Variants in GSK3A observed in about 807,000 individuals in gnomAD.
The protein encoded by GSK3A is glycogen synthase kinase-3 alpha.
Under a neutral mutation model 56.6 loss-of-function variants are expected in GSK3A, and 14 were observed. The ratio of observed to expected loss-of-function variants is 0.25; its 90% confidence interval spans 0.16 to 0.39. The LOEUF is 0.39. Ranked by LOEUF, GSK3A falls within the 10% of genes least tolerant of loss-of-function variation. The pLI, the probability that GSK3A is intolerant of heterozygous loss-of-function variation, is 1.00. For missense variants in GSK3A, 450 were observed against 656.0 expected (o/e 0.69, Z 3.43); for synonymous variants, 301 against 285.0 (o/e 1.06, Z -0.56).
At chr19:42,238,725 C>T (rs751208454) in intron 2 of GSK3A, among the ~76,000 whole-genome samples, 3 of 149,678 alleles carry the variant, frequency 2.0e-5, no homozygotes, top group Admixed American at 1.3e-4. Context: ...TTTGGGAGGT[C>T]GAGGTGGGGG....
Position 42,240,086 on chromosome 19 carries a change from A to G in GSK3A, c.340T>C (p.Ser114Pro), listed in dbSNP as rs773402220. ...VATLGQGPER[S>P]QEVAYTDIKV... ...ATGTCCGTGTAAGCCACTTCTTGGG[A>G]GCGCTCTGGGCCTTGGCCTAGAGTG... is the stretch of plus-strand genomic sequence containing the variant. The change falls in exon 2 of 11, where the codon TCC (serine) becomes CCC (proline). Residue 114 changes from serine to proline, a missense_variant. Transcript: ENST00000222330. The G allele has an allele frequency of 9.3e-6, 15 of 1,614,034 alleles. No individual in the cohort carries two copies. Among genetic ancestry groups the G allele is most frequent in the Non-Finnish European group, 1.1e-5 (13 of 1,180,018 alleles).
chr19:42,237,672 T>C (rs552715795), intron 2 of GSK3A, among the ~76,000 whole-genome samples: 10 of 148,104 alleles, frequency 6.8e-5, no homozygotes, highest in Admixed American at 2.7e-4. Context: ...AGTCAGGAGA[T>C]TGAGACCATC....
At position 42,232,407 on chromosome 19, in the gene GSK3A, C is replaced by A. The variant is rs550747184; in HGVS notation, c.1285+89G>T. 30 of 1,252,486 alleles carry A rather than the reference C, an allele frequency of 2.4e-5. No homozygotes were observed. In the African/African-American group the frequency reaches 3.8e-4, roughly 16 times the overall value. The allele number at this position is 1,252,486 out of a possible 1,614,324, so 77.6% of individuals were successfully genotyped here. The stretch of plus-strand genomic sequence containing the variant: ...CTGCCTTGTACCCTGCCCTTAGCTC[C>A]CCACTCCTGCTTCAACACCAAGCTC... On this transcript the variant is annotated intron_variant, in intron 9 of 10. Transcript: ENST00000222330.
intron 2 of GSK3A, among the ~76,000 whole-genome samples, chr19:42,238,876 C>T (rs981798707): frequency 2.0e-5 from 3 of 150,996 alleles, no homozygotes; most frequent in African/African-American, 7.3e-5. Flanking sequence ...GGTTGAGGCA[C>T]AAGAATCGCT....
chr19:42,239,511 G>T (rs898759071), intron 2 of GSK3A, among the ~76,000 whole-genome samples: 4 of 152,084 alleles, frequency 2.6e-5, no homozygotes, highest in Non-Finnish European at 5.9e-5. Flanking sequence ...AACCACCCGC[G>T]CTAGCCCTGC....
At position 42,230,477 on chromosome 19, in the gene GSK3A, A is replaced by C; in HGVS notation, c.*317T>G. 1 of 366,288 alleles carries C rather than the reference A, an allele frequency of 2.7e-6. No individual in the cohort carries two copies. 22.7% of individuals were successfully genotyped at this position (366,288 alleles called of 1,614,324 possible). A position where few individuals can be genotyped will look rare whatever the true frequency, so the allele number is the denominator to read the frequency against. On this transcript the variant is annotated 3_prime_UTR_variant, in exon 11 of 11. Coordinates refer to ENST00000222330, the MANE Select transcript of GSK3A (RefSeq NM_019884.3). ...ACGGGCTGGGCTGGTTCTATTTACAAGGGACACAGGAGGGGAGGGGGTCTG... is the reference window on the plus strand; with the variant it reads ...ACGGGCTGGGCTGGTTCTATTTACACGGGACACAGGAGGGGAGGGGGTCTG...
Position 42,242,428 on chromosome 19 carries a change from C to T in GSK3A, c.38G>A (p.Gly13Asp). Residue 13 changes from glycine to aspartate, a missense_variant, in exon 1 of 11, where the codon GGC (glycine) becomes GAC (aspartate). Physicochemically the swap from Gly to Asp is moderately conservative, Grantham distance 94. Around this residue, in one of 3 missense-constraint regions of GSK3A, gnomAD observed 193 missense variants for 200.5 expected, o/e 0.96. Transcript: ENST00000222330. ...GGGPSGGGPG[G>D]SGRARTSSFA... The stretch of plus-strand genomic sequence containing the variant: ...CGAGCTAGTCCGCGCCCTGCCCGAG[C>T]CCCCAGGGCCGCCTCCCGAAGGCCC... 1 of 1,303,010 alleles carries T rather than the reference C, an allele frequency of 7.7e-7. No individual in the cohort carries two copies. The allele number at this position is 1,303,010 out of a possible 1,614,324, so 80.7% of individuals were successfully genotyped here.
Position 42,234,525 on chromosome 19 carries a change from C to T in GSK3A, c.797+23G>A, listed in dbSNP as rs1456899198. On this transcript the variant is annotated intron_variant, in intron 5 of 10. Transcript: ENST00000222330. This position sits in a 1 kb window ranked among gnomAD's most constrained non-coding sequence, Gnocchi z 5.7. ...TTGGGGTCCCCCCTGCCTCTTCAGCCACCCAACATGCCCCAGGCCCACCTG... is the reference window on the plus strand; with the variant it reads ...TTGGGGTCCCCCCTGCCTCTTCAGCTACCCAACATGCCCCAGGCCCACCTG... The T allele has an allele frequency of 1.2e-6, 2 of 1,612,362 alleles. No homozygotes were observed. Among genetic ancestry groups the T allele is most frequent in the African/African-American group, 2.7e-5 (2 of 74,914 alleles).
At chr19:42,237,886 A>G (rs1568466451) in intron 2 of GSK3A, among the ~76,000 whole-genome samples, 1 of 151,016 alleles carries the variant, frequency 6.6e-6, no homozygotes, top group African/African-American at 2.4e-5. Flanking sequence ...AAATAATAAT[A>G]ATAAATAAAT....
intron 1 of GSK3A, chr19:42,241,338 G>C (rs2036290484): frequency 6.6e-6 from 1 of 152,086 alleles, no homozygotes; most frequent in South Asian, 2.1e-4. Flanking sequence ...TCTTTCAGAG[G>C]GAGATAACCC....
At position 42,230,453 on chromosome 19, in the gene GSK3A, C is replaced by CGGGCT. The variant is rs2053022290; in HGVS notation, c.*336_*340dup. The CGGGCT allele has an allele frequency of 6.7e-6, 2 of 299,686 alleles. No individual in the cohort carries two copies. Among genetic ancestry groups the CGGGCT allele is most frequent in the Non-Finnish European group, 1.2e-5 (2 of 168,750 alleles). The allele number at this position is 299,686 out of a possible 1,614,324, so 18.6% of individuals were successfully genotyped here. On this transcript the variant is annotated 3_prime_UTR_variant, in exon 11 of 11. Coordinates refer to ENST00000222330, the MANE Select transcript of GSK3A (RefSeq NM_019884.3). The stretch of plus-strand genomic sequence containing the variant: ...GGGGGCCAGGGAAGGGAAGAGGAGA[C>CGGGCT]GGGCTGGGCTGGTTCTATTTACAAG...
chr19:42,236,628 G>A lies in GSK3A; in HGVS notation c.644C>T (p.Thr215Ile), dbSNP rs747609490. 1 of 1,612,200 alleles carries A rather than the reference G, an allele frequency of 6.2e-7. No individual in the cohort carries two copies. Among genetic ancestry groups the A allele is most frequent in the South Asian group, 1.1e-5 (1 of 91,068 alleles). Residue 215 changes from threonine to isoleucine, a missense_variant, in exon 4 of 11, where the codon ACC becomes ATC. Physicochemically the swap from Thr to Ile is moderately conservative, Grantham distance 89 (BLOSUM62 -1). Transcript: ENST00000222330. The part of the protein sequence containing the change: ...VARHFTKAKL[T>I]IPILYVKVYM... ...TACCTTGACATAGAGGATAGGGATG[G>A]TCAACTTGGCCTTGGTGAAGTGGCG...
intron 2 of GSK3A, 128 bp from the exon 3 acceptor site, chr19:42,237,069 T>A (rs1422102263): frequency 1.4e-6 from 1 of 698,476 alleles, no homozygotes. Flanking sequence ...CCCTGGAGTA[T>A]CCCCCAATTC....
chr19:42,236,364 T>C (rs2036256903), intron 4 of GSK3A, among the ~76,000 whole-genome samples: 1 of 152,182 alleles, frequency 6.6e-6, no homozygotes, highest in Admixed American at 6.5e-5. Context: ...AGCAACTACC[T>C]GGCAGCTTCT....
chr19:42,237,860 C>T (rs2036267540), intron 2 of GSK3A, among the ~76,000 whole-genome samples: 1 of 151,586 alleles, frequency 6.6e-6, no homozygotes, highest in South Asian at 2.1e-4. Context: ...GCCTGGGCGA[C>T]AGACTCTGTC....
chr19:42,232,435 C>T (rs1164717104), intron 9 of GSK3A, 61 bp downstream of exon 9: 13 of 1,503,394 alleles, frequency 8.6e-6, no homozygotes, highest in Non-Finnish European at 1.2e-5. Flanking sequence ...CCAAGCTCCT[C>T]ACAATCTTTG....
intron 1 of GSK3A, chr19:42,240,377 ATCTC>A: frequency 1.7e-6 from 1 of 585,412 alleles, no homozygotes; most frequent in East Asian, 2.8e-5. Context: ...TGATACCTAA[ATCTC>A]TCTGCTTCAA....
chr19:42,236,977 ACT>A (rs1250229977), intron 2 of GSK3A, 36 bp from the exon 3 acceptor site: 3 of 1,412,226 alleles, frequency 2.1e-6, no homozygotes, highest in Non-Finnish European at 3.0e-6. Flanking sequence ...AATACAACCA[ACT>A]CTCTCGGCTG....
chr19:42,233,213 G>A lies in GSK3A; in HGVS notation c.1003-8C>T. On this transcript the variant is annotated splice_polypyrimidine_tract_variant and splice_region_variant and intron_variant, in intron 7 of 10. Transcript: ENST00000222330. ...GGTTGGTGTTCCCAGCACCTGTAAA[G>A]AGAGGGAGGGGTCTGAGACAAGGGC... The A allele has an allele frequency of 6.2e-7, 1 of 1,603,000 alleles. No homozygotes were observed. The highest frequency in any genetic ancestry group is 1.1e-5 in the South Asian group (1 of 89,722).
Sources: gnomAD v4.1 joint callset for allele counts (sites outside exome capture counted in the v4.1 genomes callset) on GRCh38, gnomAD v4.1.1 for gene constraint, gnomAD v4.1.1 regional missense constraint, Gnocchi (gnomAD v3.1) non-coding constraint, MANE v1.5 for transcripts, NCBI Gene and HGNC (gene_info 2026-07-23, HGNC 2026-07-21) for gene names.